PBK: variants seen among roughly 807,000 people sequenced by gnomAD.
PBK encodes the protein PDZ binding kinase.
In PBK, 22 loss-of-function variants were observed where a neutral mutation model predicts 33.5. The ratio of observed to expected loss-of-function variants is 0.66; its 90% CI spans 0.47 to 0.94. PBK has a LOEUF of 0.94. PBK is among the 40% of genes least tolerant of loss of function. The probability of loss-of-function intolerance (pLI) is 0.00; values close to 1 mark genes in which losing one functional copy is unlikely to be tolerated. For synonymous variants in PBK, 129 were observed against 123.8 expected (o/e 1.04, Z -0.28); for missense variants, 376 against 383.4 (o/e 0.98, Z 0.16).
At chr8:27,828,801 GA>G (rs1230713599) in intron 2 of PBK, among the ~76,000 whole-genome samples, 3 of 144,302 alleles carry the variant, frequency 2.1e-5, no homozygotes, top group African/African-American at 7.6e-5. Flanking sequence ...TTCTGCTCAT[GA>G]AAAATAATTA....
intron 6 of PBK, among the ~76,000 whole-genome samples, chr8:27,813,336 T>C (rs996249224): frequency 6.6e-6 from 1 of 151,992 alleles, no homozygotes; most frequent in African/African-American, 2.4e-5. Context: ...GGGGGAGGGA[T>C]AGCATTAGGA....
At chr8:27,812,468 G>A (rs1805707390) in intron 6 of PBK, 1 of 152,060 alleles carries the variant, frequency 6.6e-6, no homozygotes. Flanking sequence ...AGCCAAAACA[G>A]ACAAATGGGA....
rs569262311 is a variant in PBK at position 27,810,207 on chromosome 8, A to G, written c.*98T>C. The G allele has an allele frequency of 5.0e-6, 4 of 795,858 alleles. No homozygotes were observed. The African/African-American group carries it at 7.0e-5, about 14-fold the overall frequency. 49.3% of individuals were successfully genotyped at this position (795,858 alleles called of 1,614,324 possible). On this transcript the variant is annotated 3_prime_UTR_variant, in exon 8 of 8. Coordinates refer to ENST00000301905, the MANE Select transcript of PBK (RefSeq NM_018492.4). The stretch of plus-strand genomic sequence containing the variant: ...TAACAAGAAACTATGGTCCTCAAAT[A>G]TGCCAATTTTAGAGTCTAATAACTA...
intron 6 of PBK, among the ~76,000 whole-genome samples, chr8:27,818,465 T>G (rs1030614859): frequency 6.6e-6 from 1 of 152,214 alleles, no homozygotes; most frequent in Non-Finnish European, 1.5e-5. Context: ...GAGAAACGTT[T>G]AACAGATAAT....
chr8:27,817,594 G>A (rs771509434), intron 6 of PBK, among the ~76,000 whole-genome samples: 11 of 150,620 alleles, frequency 7.3e-5, no homozygotes, highest in South Asian at 2.1e-4. Context: ...AAACTTTTGC[G>A]CAATGAAGTT....
chr8:27,823,163 C>G lies in PBK; in HGVS notation c.195G>C (p.Lys65Asn). 1.3e-6 allele frequency: 2 copies of G among 1,557,996 alleles called. No homozygotes were observed. The highest frequency in any genetic ancestry group is 2.3e-5 in the East Asian group (1 of 44,084). Residue 65 changes from lysine to asparagine, a missense_variant, in exon 4 of 8, where the codon AAG becomes AAC. Physicochemically the swap from Lys to Asn is moderately conservative, Grantham distance 94. Transcript: ENST00000301905. ...AATGATCATTACATATAGGATTAATCTTTTTTACAGCCCAAGGAGAATGAG... is the reference window on the plus strand; with the variant it reads ...AATGATCATTACATATAGGATTAATGTTTTTTACAGCCCAAGGAGAATGAG... ...GLSHSPWAVK[K>N]INPICNDHYR... is the part of the protein sequence containing the mutation.
intron 3 of PBK, among the ~76,000 whole-genome samples, chr8:27,824,144 G>C (rs1201818104): frequency 6.6e-6 from 1 of 152,058 alleles, no homozygotes; most frequent in Non-Finnish European, 1.5e-5. Flanking sequence ...TCCGTAAGTT[G>C]ATCTAAACTA....
At chr8:27,815,838 C>T (rs931366398) in intron 6 of PBK, among the ~76,000 whole-genome samples, 1 of 152,134 alleles carries the variant, frequency 6.6e-6, no homozygotes, top group African/African-American at 2.4e-5. Context: ...GGATTGGGCC[C>T]CCTGCCACCT....
intron 1 of PBK, among the ~76,000 whole-genome samples, chr8:27,834,080 T>G (rs1393079704): frequency 1.3e-5 from 2 of 149,676 alleles, no homozygotes. Flanking sequence ...CAGGCTGGAG[T>G]GCAGTGGCAT....
At chr8:27,822,689 ACT>A (rs1319962926) in intron 4 of PBK, among the ~76,000 whole-genome samples, 6 of 152,198 alleles carry the variant, frequency 3.9e-5, no homozygotes, top group African/African-American at 1.4e-4. Context: ...AAATTAAAAT[ACT>A]TTTATTTTCC....
In PBK at chr8:27,822,405, T is replaced by C; in HGVS notation, c.379A>G (p.Ile127Val). 1 of 1,613,140 alleles carries C rather than the reference T, an allele frequency of 6.2e-7. No homozygotes were observed. The change falls in exon 5 of 8, where the codon ATA becomes GTA. Residue 127 changes from isoleucine (I) to valine (V), a missense_variant. By Grantham distance (29) the Ile-to-Val change is conservative (BLOSUM62 3). Coordinates refer to ENST00000301905, the MANE Select transcript of PBK (RefSeq NM_018492.4). Reference protein sequence around the residue: ...YGGEKSLNDLIEERYKASQDP... With the variant: ...YGGEKSLNDLVEERYKASQDP... ...TGGCTGGCTTTATATCGTTCTTCTA[T>C]TAAGTCATTTAGAGACTTTTCACCT...
intron 6 of PBK, 41 bp downstream of exon 6, chr8:27,820,522 CTG>C (rs761886394): frequency 1.7e-6 from 2 of 1,197,392 alleles, no homozygotes; most frequent in South Asian, 1.4e-5. Flanking sequence ...AATGTAAACA[CTG>C]TATTAAAAAC....
chr8:27,834,250 A>T (rs1262358806), intron 1 of PBK, among the ~76,000 whole-genome samples: 1 of 151,854 alleles, frequency 6.6e-6, no homozygotes, highest in Non-Finnish European at 1.5e-5. Context: ...CTGGTCACGA[A>T]CTCCCGACCT....
intron 6 of PBK, among the ~76,000 whole-genome samples, chr8:27,816,773 T>C (rs992928938): frequency 6.6e-6 from 1 of 152,122 alleles, no homozygotes; most frequent in Admixed American, 6.6e-5. Context: ...TTCATATATG[T>C]AAATACATAT....
intron 1 of PBK, among the ~76,000 whole-genome samples, chr8:27,834,590 AT>A (rs756657974): frequency 1.8e-4 from 28 of 152,244 alleles, no homozygotes; most frequent in Middle Eastern, 3.4e-3. Context: ...GGTTATAAAA[AT>A]TGTCTATGAA....
rs143824466 is a variant in PBK, at chr8:27,810,976, T to C, written c.754A>G (p.Asn252Asp). Residue 252 changes from asparagine (N) to aspartate (D), a missense_variant, in exon 7 of 8, where the codon AAT (asparagine) becomes GAT (aspartate). Asn to Asp is a conservative substitution (Grantham distance 23). Coordinates refer to ENST00000301905, the MANE Select transcript of PBK (RefSeq NM_018492.4). The part of the protein sequence containing the change: ...TLSIPHINLS[N>D]DDDDEDKTFD... ...TTCATACCTTCATCATCATCATCAT[T>C]TGAAAGATTAATGTGTGGAATCGAT... The C allele has an allele frequency of 1.7e-5, 27 of 1,600,220 alleles. No individual in the cohort carries two copies. In the African/African-American group the frequency reaches 2.0e-4, roughly 12 times the overall value.
chr8:27,823,621 A>G (rs1805971833), intron 3 of PBK, among the ~76,000 whole-genome samples: 1 of 152,002 alleles, frequency 6.6e-6, no homozygotes, highest in Admixed American at 6.6e-5. Context: ...AATCAAGAAC[A>G]TTTTACCCAT....
chr8:27,834,901 A>C (rs1585437994), intron 1 of PBK, among the ~76,000 whole-genome samples: 1 of 152,148 alleles, frequency 6.6e-6, no homozygotes, highest in South Asian at 2.1e-4. Flanking sequence ...ATCTCAAAAA[A>C]AAAAAAGAAC....
At position 27,811,457 on chromosome 8, in the gene PBK, G is replaced by A. The variant is rs1805681157; in HGVS notation, c.596-323C>T. Reference sequence around the variant, plus strand: ...TGGGTTGGTTCAAAGACATGTGTGTGCAAGCTGCGTGACCTTGAGCAGATC... The same window carrying A: ...TGGGTTGGTTCAAAGACATGTGTGTACAAGCTGCGTGACCTTGAGCAGATC... On this transcript the variant is annotated intron_variant, in intron 6 of 7. Coordinates refer to ENST00000301905, the MANE Select transcript of PBK (RefSeq NM_018492.4). 1.1e-5 allele frequency: 5 copies of A among 452,924 alleles called. 1 individual carries two copies. The Middle Eastern group carries it at 3.2e-3, about 291-fold the overall frequency. The allele number at this position is 452,924 out of a possible 1,614,324, so 28.1% of individuals were successfully genotyped here. A position where few individuals can be genotyped will look rare whatever the true frequency, so the allele number is the denominator to read the frequency against.
Sources: gnomAD v4.1 joint callset for allele counts (sites outside exome capture counted in the v4.1 genomes callset) on GRCh38, gnomAD v4.1.1 for gene constraint, MANE v1.5 for transcripts, NCBI Gene and HGNC (gene_info 2026-07-23, HGNC 2026-07-21) for gene names.